SLA2: variants seen among roughly 807,000 people sequenced by gnomAD.
SLA2 encodes the protein Src like adaptor 2, also known as src-like-adapter 2.
SLA2 carries 22 observed loss-of-function variants against 27.3 expected under a neutral mutation model. The observed-to-expected ratio is 0.81, with a 90% CI of 0.58 to 1.15. SLA2 has a LOEUF of 1.15. SLA2 is among the 50% of genes most tolerant of loss of function. SLA2 has a pLI of 0.00. For synonymous variants in SLA2, 131 were observed against 137.8 expected (o/e 0.95, Z 0.34); for missense variants, 304 against 322.2 (o/e 0.94, Z 0.43).
intron 5 of SLA2, among the ~76,000 whole-genome samples, chr20:36,628,852 G>A (rs1375434213): frequency 6.6e-6 from 1 of 151,868 alleles, no homozygotes; most frequent in African/African-American, 2.4e-5. Context: ...CACTGCACCT[G>A]GCCCCTAAAC....
chr20:36,636,963 A>T (rs893336600), intron 2 of SLA2, among the ~76,000 whole-genome samples: 2 of 150,684 alleles, frequency 1.3e-5, no homozygotes, highest in Non-Finnish European at 3.0e-5. Context: ...ACCCCCCCCA[A>T]AAAAAGAAAA....
intron 1 of SLA2, among the ~76,000 whole-genome samples, chr20:36,643,147 C>G (rs1373676587): frequency 3.9e-5 from 6 of 152,244 alleles, no homozygotes; most frequent in African/African-American, 1.4e-4. Context: ...AGAAAGCACT[C>G]AGCACACATT....
chr20:36,631,720 C>T (rs1223886727), intron 5 of SLA2, among the ~76,000 whole-genome samples: 1 of 152,156 alleles, frequency 6.6e-6, no homozygotes, highest in Non-Finnish European at 1.5e-5. Flanking sequence ...CCAGGAGCTC[C>T]CTGAGAGCAG....
intron 5 of SLA2, chr20:36,621,392 T>A (rs911867574): frequency 1.7e-6 from 1 of 583,570 alleles, no homozygotes; most frequent in African/African-American, 1.9e-5. Context: ...TGTGGTGGTG[T>A]AAGTGGTAGA....
At chr20:36,636,427 C>CAAAAAAAAAAAA (rs71186007) in intron 2 of SLA2, among the ~76,000 whole-genome samples, 4 of 61,426 alleles carry the variant, frequency 6.5e-5, no homozygotes, top group African/African-American at 2.8e-4. Context: ...GACTCCGTCT[C>CAAAAAAAAAAAA]AAAAAAAAAA....
In SLA2 at chr20:36,613,321, C is replaced by T. The variant is rs1328402185; in HGVS notation, c.*545G>A. 6.5e-6 allele frequency: 1 copy of T among 153,112 alleles called. No individual in the cohort carries two copies. Among genetic ancestry groups the T allele is most frequent in the Non-Finnish European group, 1.5e-5 (1 of 68,758 alleles). The allele number at this position is 153,112 out of a possible 1,614,324, so 9.5% of individuals were successfully genotyped here. On this transcript the variant is annotated 3_prime_UTR_variant, in exon 8 of 8. Transcript: ENST00000262866. ...CTTTGCTCTGGAGGTCACATAGAGC[C>T]TGGACCATCCAAGATCTGCTGCTAC... is the stretch of plus-strand genomic sequence containing the variant.
intron 5 of SLA2, among the ~76,000 whole-genome samples, chr20:36,627,886 C>T (rs1027675870): frequency 1.3e-5 from 2 of 152,224 alleles, no homozygotes; most frequent in African/African-American, 4.8e-5. Flanking sequence ...GGTCCACATG[C>T]AGGCTTGAAG....
chr20:36,633,545 A>G lies in SLA2; in HGVS notation c.276T>C (p.His92=), dbSNP rs773252230. Residue 92 remains histidine, a splice_region_variant and synonymous_variant, in exon 4 of 8, where the codon CAT becomes CAC. Coordinates refer to ENST00000262866, the MANE Select transcript of SLA2 (RefSeq NM_032214.4). ...GCGGGCCTGGGGTGGGAACTCACCC[A>G]TGGGAGACTTTGGCCACGTGGACGC... ...IPSVHVAKVS[H]GWLYEGLSRE... is the part of the protein sequence containing the mutation. 3.1e-6 allele frequency: 5 copies of G among 1,613,736 alleles called. No homozygotes were observed. Among genetic ancestry groups the G allele is most frequent in the Non-Finnish European group, 3.4e-6 (4 of 1,179,802 alleles).
intron 1 of SLA2, among the ~76,000 whole-genome samples, chr20:36,644,374 C>T (rs1978286005): frequency 6.6e-6 from 1 of 152,184 alleles, no homozygotes; most frequent in African/African-American, 2.4e-5. Flanking sequence ...CATCTGTGAA[C>T]AAGGTGCACT....
intron 1 of SLA2, among the ~76,000 whole-genome samples, chr20:36,641,992 C>T (rs374291524): frequency 1.3e-5 from 2 of 149,148 alleles, no homozygotes; most frequent in Admixed American, 6.7e-5. Flanking sequence ...GGTGAAACCT[C>T]ATCTCCACTA....
At chr20:36,615,036 C>T (rs1183209309) in intron 6 of SLA2, 189 bp downstream of exon 6, 2 of 985,232 alleles carry the variant, frequency 2.0e-6, no homozygotes, top group Non-Finnish European at 2.4e-6. Flanking sequence ...GGCTTTTCTG[C>T]CAGGGCACGA....
At chr20:36,615,052 A>G (rs562559485) in intron 6 of SLA2, 173 bp downstream of exon 6, 639 of 985,418 alleles carry the variant, frequency 6.5e-4, no homozygotes, top group Non-Finnish European at 7.4e-4. Flanking sequence ...CACGAGGTGA[A>G]GACAGGGCTC....
In SLA2 at chr20:36,612,600, A is replaced by C. The variant is rs1417394133; in HGVS notation, c.*1266T>G. ...ATAAAGCCTTTCCCACCCCACCTGT[A>C]GCTTGGGAACCAGTAGGAGCACTGG... On this transcript the variant is annotated 3_prime_UTR_variant, in exon 8 of 8. Transcript: ENST00000262866. 1 of 276,110 alleles carries C rather than the reference A, an allele frequency of 3.6e-6. No individual in the cohort carries two copies. The allele number at this position is 276,110 out of a possible 1,614,324, so 17.1% of individuals were successfully genotyped here. A position where few individuals can be genotyped will look rare whatever the true frequency, so the allele number is the denominator to read the frequency against.
chr20:36,622,244 G>A (rs1318303570), intron 5 of SLA2, among the ~76,000 whole-genome samples: 1 of 151,146 alleles, frequency 6.6e-6, no homozygotes, highest in Non-Finnish European at 1.5e-5. Context: ...GGGCATGGTG[G>A]CATGCGCCTG....
chr20:36,633,759 T>A (rs2039416436), intron 3 of SLA2, 130 bp from the exon 4 acceptor site: 1 of 695,234 alleles, frequency 1.4e-6, no homozygotes, highest in East Asian at 2.7e-5. Flanking sequence ...TTCCCAGGCT[T>A]CCCTGCACTA....
At chr20:36,617,179 G>A (rs893080956) in intron 5 of SLA2, among the ~76,000 whole-genome samples, 7 of 150,486 alleles carry the variant, frequency 4.7e-5, no homozygotes, top group South Asian at 2.1e-4. Context: ...CCAATGTGGC[G>A]AAACCCTGCC....
intron 5 of SLA2, 36 bp downstream of exon 5, chr20:36,632,559 G>T (rs745410037): frequency 2.6e-6 from 4 of 1,535,644 alleles, no homozygotes; most frequent in Non-Finnish European, 3.6e-6. Context: ...AGACCTCCAC[G>T]TAGGGAGGGC....
rs766694732 is a variant in SLA2 at position 36,632,595 on chromosome 20, C to T, written c.382G>A (p.Gly128Ser). The T allele has an allele frequency of 1.2e-6, 2 of 1,613,482 alleles. No homozygotes were observed. Among genetic ancestry groups the T allele is most frequent in the East Asian group, 2.2e-5 (1 of 44,876 alleles). Residue 128 changes from glycine to serine, a missense_variant and splice_region_variant, in exon 5 of 8, where the codon GGC (glycine) becomes AGC (serine). Transcript: ENST00000262866. Reference protein sequence around the residue: ...FLIRESQTRRGSYSLSVRLSR... With the variant: ...FLIRESQTRRSSYSLSVRLSR... ...CTGGGCTGGCACCGAGCTTACTCAC[C>T]TCTCCTGGTCTGGCTCTCCCGGATG...
intron 2 of SLA2, among the ~76,000 whole-genome samples, chr20:36,638,583 C>G (rs1197535778): frequency 6.6e-6 from 1 of 152,190 alleles, no homozygotes; most frequent in African/African-American, 2.4e-5. Flanking sequence ...CCTGCCTCAG[C>G]CTTCCAAAGT....
Sources: gnomAD v4.1 joint callset for allele counts (sites outside exome capture counted in the v4.1 genomes callset) on GRCh38, gnomAD v4.1.1 for gene constraint, MANE v1.5 for transcripts, NCBI Gene and HGNC (gene_info 2026-07-23, HGNC 2026-07-21) for gene names.